PRRG1: variants seen among roughly 807,000 people sequenced by gnomAD.
PRRG1 encodes the protein proline rich and Gla domain 1.
PRRG1 carries 5 observed loss-of-function variants against 11.8 expected under a neutral mutation model. The ratio of observed to expected loss-of-function variants is 0.42; its 90% CI spans 0.22 to 0.89. PRRG1 has a LOEUF of 0.89. Among genes scored for constraint, PRRG1 ranks in the 40% least tolerant of loss-of-function variants. The pLI, the probability that PRRG1 is intolerant of heterozygous loss-of-function variation, is 0.28. For synonymous variants in PRRG1, 66 were observed against 60.4 expected, an observed-to-expected ratio of 1.09 and a Z score of -0.43; for missense variants, 155 against 166.1, an observed-to-expected ratio of 0.93 and a Z score of 0.37.
chrX:37,410,608 G>A (rs1411115274), intron 2 of PRRG1, among the ~76,000 whole-genome samples: 1 of 112,286 alleles, frequency 8.9e-6, no homozygotes, highest in African/African-American at 3.2e-5. Context: ...AAATACATGT[G>A]TATCAGATGG....
At chrX:37,358,721 T>G (rs1930323784) in intron 1 of PRRG1, among the ~76,000 whole-genome samples, 1 of 111,481 alleles carries the variant, frequency 9.0e-6, no homozygotes, top group Admixed American at 9.5e-5. Context: ...AACTTTAGAA[T>G]CAGTTGTTTT....
rs1921364278 is a variant in PRRG1 at position 37,456,540 on chromosome X, T to G, written c.*2919T>G. On this transcript the variant is annotated 3_prime_UTR_variant, in exon 4 of 4. Transcript: ENST00000378628. ...CAGCCACAGATCTCATGGTGGCTGT[T>G]GCATGATAATGATAGGATAAACAAA... The G allele has an allele frequency of 8.9e-6, 1 of 112,191 alleles. No homozygotes were observed. The highest frequency in any genetic ancestry group is 3.2e-5 in the African/African-American group (1 of 30,876). 9.2% of individuals were successfully genotyped at this position (112,191 alleles called of 1,213,427 possible).
intron 1 of PRRG1, among the ~76,000 whole-genome samples, chrX:37,361,865 C>T (rs1162962018): frequency 8.9e-6 from 1 of 112,189 alleles, no homozygotes; most frequent in African/African-American, 3.2e-5. Context: ...TCCTCTCTGA[C>T]ATGTTTGCTT....
intron 3 of PRRG1, among the ~76,000 whole-genome samples, chrX:37,434,866 A>T (rs1932868352): frequency 1.8e-5 from 2 of 112,021 alleles, no homozygotes; most frequent in Non-Finnish European, 3.8e-5. Flanking sequence ...TTGCACTGAC[A>T]TTGAGAAAAT....
intron 1 of PRRG1, among the ~76,000 whole-genome samples, chrX:37,354,110 T>G (rs1170961383): frequency 1.8e-5 from 2 of 112,188 alleles, no homozygotes; most frequent in African/African-American, 6.5e-5. Context: ...GTTCTGAAAC[T>G]TCAGCATGTA....
chrX:37,366,947 A>G (rs782233007), intron 1 of PRRG1, among the ~76,000 whole-genome samples: 2 of 111,694 alleles, frequency 1.8e-5, no homozygotes, highest in South Asian at 7.5e-4. Context: ...CCTCACACAC[A>G]CATCTACCTG....
At chrX:37,411,869 A>G (rs1932359936) in intron 2 of PRRG1, among the ~76,000 whole-genome samples, 1 of 112,188 alleles carries the variant, frequency 8.9e-6, no homozygotes, top group African/African-American at 3.2e-5. Context: ...TATCTGGAAT[A>G]GCTTAATGAT....
rs1230228102 is a variant in PRRG1, at chrX:37,401,531, C to G, written c.-41-4678C>G. 2.5e-3 allele frequency among the ~76,000 whole-genome samples: 271 copies of G among 109,801 alleles called. 1 individual carries two copies. Among genetic ancestry groups the G allele is most frequent in the African/African-American group, 8.3e-3 (251 of 30,286 alleles). On this transcript the variant is annotated intron_variant, in intron 1 of 3. Transcript: ENST00000378628. ...TGACAAACCCACAGCCAATATCATA[C>G]TGAATGGGCAAAAACTGGAAGCATT...
chrX:37,420,688 GA>G (rs59567460), intron 2 of PRRG1, among the ~76,000 whole-genome samples: 1 of 81,489 alleles, frequency 1.2e-5, no homozygotes, highest in African/African-American at 6.0e-5. Flanking sequence ...AAAAAAAAAA[GA>G]AAAGAAAGAA....
intron 1 of PRRG1, among the ~76,000 whole-genome samples, chrX:37,361,567 T>C (rs1930416682): frequency 8.9e-6 from 1 of 111,947 alleles, no homozygotes; most frequent in South Asian, 3.7e-4. Flanking sequence ...TAACCTATTA[T>C]TTCTTTGGGA....
At chrX:37,393,926 G>C (rs2146559091) in intron 1 of PRRG1, among the ~76,000 whole-genome samples, 1 of 111,678 alleles carries the variant, frequency 9.0e-6, no homozygotes, top group East Asian at 2.8e-4. Context: ...TCTTGATCTA[G>C]GTGCCAATTA....
intron 1 of PRRG1, among the ~76,000 whole-genome samples, chrX:37,376,320 A>G (rs1463737545): frequency 9.5e-6 from 1 of 104,776 alleles, no homozygotes; most frequent in African/African-American, 3.4e-5. Flanking sequence ...CTTTTGAGTT[A>G]TATCTTAGAT....
chrX:37,378,557 G>T (rs1931053224), intron 1 of PRRG1, among the ~76,000 whole-genome samples: 1 of 111,446 alleles, frequency 9.0e-6, no homozygotes, highest in African/African-American at 3.3e-5. Flanking sequence ...GGAAGTGAAT[G>T]GATAGTGAGG....
rs1271336330 is a variant in PRRG1, at chrX:37,401,514, C to A, written c.-41-4695C>A. ...ATAATAAGAGCTATCTATGACAAAC[C>A]CACAGCCAATATCATACTGAATGGG... On this transcript the variant is annotated intron_variant, in intron 1 of 3. Transcript: ENST00000378628. Among the ~76,000 whole-genome samples the A allele has an allele frequency of 3.4e-3, 375 of 109,654 alleles. 4 individuals carry two copies. Among genetic ancestry groups the A allele is most frequent in the African/African-American group, 0.012 (364 of 30,180 alleles).
At chrX:37,439,885 C>T (rs1414297981) in intron 3 of PRRG1, among the ~76,000 whole-genome samples, 1 of 100,631 alleles carries the variant, frequency 9.9e-6, no homozygotes, top group Non-Finnish European at 2.0e-5. Flanking sequence ...CTGCAGCCTT[C>T]GCCTCCTGGA....
chrX:37,420,674 A>C (rs1370993214), intron 2 of PRRG1, among the ~76,000 whole-genome samples: 1 of 104,232 alleles, frequency 9.6e-6, no homozygotes, highest in Non-Finnish European at 1.9e-5. Flanking sequence ...TATGCAAAAA[A>C]AAAAAAAAAA....
intron 3 of PRRG1, among the ~76,000 whole-genome samples, chrX:37,426,285 T>C (rs1932772311): frequency 8.9e-6 from 1 of 111,875 alleles, no homozygotes; most frequent in Admixed American, 9.5e-5. Flanking sequence ...AGCTTTGTTC[T>C]AGAAGGTTAT....
At position 37,380,089 on chromosome X, in the gene PRRG1, A is replaced by C. The variant is rs1209018234; in HGVS notation, c.-41-26120A>C. 2.7e-5 allele frequency among the ~76,000 whole-genome samples: 3 copies of C among 111,715 alleles called. No homozygotes were observed. The Admixed American group carries it at 2.8e-4, about 11-fold the overall frequency. On this transcript the variant is annotated intron_variant, in intron 1 of 3. Coordinates refer to ENST00000378628, the MANE Select transcript of PRRG1 (RefSeq NM_001142395.2). The stretch of plus-strand genomic sequence containing the variant: ...ACAGTGGCTTTAGGATTTAAATAAA[A>C]ATGGAAGGAATATCATATTTAAATG...
intron 1 of PRRG1, among the ~76,000 whole-genome samples, chrX:37,399,232 A>C (rs1189565143): frequency 9.0e-6 from 1 of 111,697 alleles, no homozygotes; most frequent in Non-Finnish European, 1.9e-5. Context: ...AGCCAGAGAG[A>C]AAGGTTGGGT....
Sources: gnomAD v4.1 joint callset for allele counts (sites outside exome capture counted in the v4.1 genomes callset) on GRCh38, gnomAD v4.1.1 for gene constraint, MANE v1.5 for transcripts, NCBI Gene and HGNC (gene_info 2026-07-23, HGNC 2026-07-21) for gene names.